The following ADAT2 variants were observed in gnomAD, a reference collection of about 807,000 sequenced individuals.
ADAT2 encodes adenosine deaminase tRNA specific 2.
ADAT2 carries 26 observed loss-of-function variants against 25.9 expected under a neutral mutation model. That is an observed-to-expected ratio of 1.00 (90% CI 0.74 to 1.39). The LOEUF is 1.39. Among genes scored for constraint, ADAT2 ranks in the 40% most tolerant of loss-of-function variants. ADAT2 has a pLI of 0.00. For missense variants in ADAT2, 220 were observed against 244.8 expected, an observed-to-expected ratio of 0.90 and a Z score of 0.68; for synonymous variants, 76 against 86.8, an observed-to-expected ratio of 0.88 and a Z score of 0.69.
chr6:143,434,083 G>A lies in ADAT2; in HGVS notation c.202-102C>T. On this transcript the variant is annotated intron_variant, in intron 2 of 5. Transcript: ENST00000237283. This position sits in a 1 kb window ranked among gnomAD's most constrained non-coding sequence, Gnocchi z 4.5. Reference sequence around the variant, plus strand: ...TACAAAATATGCGCCTATCCTTTCTGCCAATATTTTAATGAATACAGTTTC... The same window carrying A: ...TACAAAATATGCGCCTATCCTTTCTACCAATATTTTAATGAATACAGTTTC... The A allele has an allele frequency of 7.0e-7, 1 of 1,420,408 alleles. No homozygotes were observed. Among genetic ancestry groups the A allele is most frequent in the Non-Finnish European group, 9.6e-7 (1 of 1,040,364 alleles). 88.0% of individuals were successfully genotyped at this position (1,420,408 alleles called of 1,614,324 possible). A position where few individuals can be genotyped will look rare whatever the true frequency, so the allele number is the denominator to read the frequency against.
Position 143,438,570 on chromosome 6 carries a change from A to C in ADAT2, c.201+20T>G, listed in dbSNP as rs368077789. On this transcript the variant is annotated intron_variant, in intron 2 of 5. Transcript: ENST00000237283. ...CCATCACTACTGTATGTTTGCAATT[A>C]TACTGCTCAACTCACATACATTTTT... 2 of 1,575,226 alleles carry C rather than the reference A, an allele frequency of 1.3e-6. No homozygotes were observed. Among genetic ancestry groups the C allele is most frequent in the Non-Finnish European group, 1.7e-6 (2 of 1,145,240 alleles).
intron 4 of ADAT2, among the ~76,000 whole-genome samples, chr6:143,430,386 C>A (rs1779071107): frequency 6.6e-6 from 1 of 152,182 alleles, no homozygotes; most frequent in Non-Finnish European, 1.5e-5. Context: ...AGGGACTGAG[C>A]AGAGTCAGGC....
chr6:143,439,252 A>C (rs1401694659), intron 1 of ADAT2, among the ~76,000 whole-genome samples: 1 of 150,634 alleles, frequency 6.6e-6, no homozygotes, highest in African/African-American at 2.4e-5. Context: ...TCATTATGAA[A>C]AACGTTTTGG....
Position 143,424,540 on chromosome 6 carries a change from C to T in ADAT2, c.*3923G>A, listed in dbSNP as rs1262011513. On this transcript the variant is annotated 3_prime_UTR_variant, in exon 6 of 6. Transcript: ENST00000237283. The surrounding 1 kb of genome is among the most constrained non-coding windows in gnomAD (Gnocchi z 4.8). ...ATGACAACCTACCTAGAGTGTTTATCCCATTGGATCACCATAGGTCATCTG... is the reference window on the plus strand; with the variant it reads ...ATGACAACCTACCTAGAGTGTTTATTCCATTGGATCACCATAGGTCATCTG... 6.6e-6 allele frequency: 1 copy of T among 152,142 alleles called. No homozygotes were observed. Among genetic ancestry groups the T allele is most frequent in the Non-Finnish European group, 1.5e-5 (1 of 68,026 alleles). 9.4% of individuals were successfully genotyped at this position (152,142 alleles called of 1,614,324 possible).
rs768749703 is a variant in ADAT2 at position 143,433,975 on chromosome 6, G to A, written c.208C>T (p.Arg70Ter). The change falls in exon 3 of 6, where the codon CGA (arginine) becomes TGA (stop). Residue 70 changes from arginine (R) to a stop codon, truncating the protein, a stop_gained. Coordinates refer to ENST00000237283, the MANE Select transcript of ADAT2 (RefSeq NM_182503.3). LOFTEE classifies it high-confidence loss of function. ...NEVNQTKNAT[R>*]HAEMVAIDQV... is the part of the protein sequence containing the mutation. Reference sequence around the variant, plus strand: ...TCGATGGCCACCATTTCTGCATGTCGAGTAGCCTGAAAAGAGAAAGGGGCT... The same window carrying A: ...TCGATGGCCACCATTTCTGCATGTCAAGTAGCCTGAAAAGAGAAAGGGGCT... 16 of 1,613,856 alleles carry A rather than the reference G, an allele frequency of 9.9e-6. No homozygotes were observed. Among genetic ancestry groups the A allele is most frequent in the East Asian group, 2.2e-5 (1 of 44,896 alleles).
chr6:143,450,616 A>T lies in ADAT2; in HGVS notation c.43T>A (p.Cys15Ser). 2.5e-6 allele frequency: 4 copies of T among 1,613,998 alleles called. No homozygotes were observed. Among genetic ancestry groups the T allele is most frequent in the Non-Finnish European group, 3.4e-6 (4 of 1,180,022 alleles). ...AAPKPAASGA[C>S]SVSAEETEKW... ...TCGGTCTCCTCTGCCGACACCGAGC[A>T]CGCGCCGCTTGCAGCTGGCTTGGGT... is the stretch of plus-strand genomic sequence containing the variant. The change falls in exon 1 of 6, where the codon TGC becomes AGC. Residue 15 changes from cysteine to serine, a missense_variant. Coordinates refer to ENST00000237283, the MANE Select transcript of ADAT2 (RefSeq NM_182503.3).
In ADAT2 at chr6:143,432,604, C is replaced by A. The variant is rs774508502; in HGVS notation, c.360G>T (p.Pro120=). The change falls in exon 4 of 6, where the codon CCG becomes CCT. Residue 120 remains proline (P), a synonymous_variant. Coordinates refer to ENST00000237283, the MANE Select transcript of ADAT2 (RefSeq NM_182503.3). The surrounding 1 kb of genome is among the most constrained non-coding windows in gnomAD (Gnocchi z 4.4). ...CATTCTGACAGCCATATACAACCAG[C>A]GGGATTTATAAGACAGAATTAAGGT... ...CAAALRLMKI[P]LVVYGCQNER... The A allele has an allele frequency of 7.4e-6, 12 of 1,613,912 alleles. 1 individual carries two copies. The highest frequency in any genetic ancestry group is 1.0e-5 in the Non-Finnish European group (12 of 1,179,952).
rs766338927 is a variant in ADAT2 at position 143,450,626 on chromosome 6, T to A, written c.33A>T (p.Ala11=). The part of the protein sequence containing the change: MEAKAAPKPA[A]SGACSVSAEE... Reference sequence around the variant, plus strand: ...CTGCCGACACCGAGCACGCGCCGCTTGCAGCTGGCTTGGGTGCCGCCTTCG... The same window carrying A: ...CTGCCGACACCGAGCACGCGCCGCTAGCAGCTGGCTTGGGTGCCGCCTTCG... Residue 11 remains alanine (A), a synonymous_variant, in exon 1 of 6, where the codon GCA becomes GCT. Coordinates refer to ENST00000237283, the MANE Select transcript of ADAT2 (RefSeq NM_182503.3). The A allele has an allele frequency of 6.2e-7, 1 of 1,613,980 alleles. No homozygotes were observed. Among genetic ancestry groups the A allele is most frequent in the Non-Finnish European group, 8.5e-7 (1 of 1,180,028 alleles).
Position 143,442,402 on chromosome 6 carries a change from G to A in ADAT2, c.97-3708C>T, listed in dbSNP as rs1437544150. On this transcript the variant is annotated intron_variant, in intron 1 of 5. Transcript: ENST00000237283. The surrounding 1 kb of genome is among the most constrained non-coding windows in gnomAD (Gnocchi z 4.6). ...GCAGCTATAAAGAGGTAGCACAAGG[G>A]AGCCATGTGGTAGTGAAACAGTTCC... Among the ~76,000 whole-genome samples the A allele has an allele frequency of 6.6e-6, 1 of 151,818 alleles. No homozygotes were observed. Among genetic ancestry groups the A allele is most frequent in the East Asian group, 1.9e-4 (1 of 5,188 alleles).
At chr6:143,438,041 C>A (rs1583981886) in intron 2 of ADAT2, among the ~76,000 whole-genome samples, 2 of 152,004 alleles carry the variant, frequency 1.3e-5, no homozygotes, top group East Asian at 3.9e-4. Context: ...GTGTTGAAGA[C>A]CCTATTTTGT....
At position 143,428,802 on chromosome 6, in the gene ADAT2, T is replaced by C. The variant is rs1251583571; in HGVS notation, c.460-118A>G. 1.0e-6 allele frequency: 1 copy of C among 973,178 alleles called. No individual in the cohort carries two copies. Among genetic ancestry groups the C allele is most frequent in the Admixed American group, 2.7e-5 (1 of 37,458 alleles). The allele number at this position is 973,178 out of a possible 1,614,324, so 60.3% of individuals were successfully genotyped here. ...ACAGATTTCAGATGTTAATAAACTT[T>C]GGGGATATTAGTAACATGGGTAAGG... On this transcript the variant is annotated intron_variant, in intron 4 of 5. Transcript: ENST00000237283. This position sits in a 1 kb window ranked among gnomAD's most constrained non-coding sequence, Gnocchi z 5.0.
rs565921323 is a variant in ADAT2 at position 143,432,961 on chromosome 6, C to T, written c.353-350G>A. Among the ~76,000 whole-genome samples, 1 of 152,140 alleles carries T rather than the reference C, an allele frequency of 6.6e-6. No individual in the cohort carries two copies. Among genetic ancestry groups the T allele is most frequent in the Non-Finnish European group, 1.5e-5 (1 of 68,032 alleles). ...CAGAAATTTAATCCAGGGATTTTCA[C>T]CTTTTAGAAATAAAAGATTCTTCCC... On this transcript the variant is annotated intron_variant, in intron 3 of 5. Coordinates refer to ENST00000237283, the MANE Select transcript of ADAT2 (RefSeq NM_182503.3). This position sits in a 1 kb window ranked among gnomAD's most constrained non-coding sequence, Gnocchi z 4.4.
intron 1 of ADAT2, among the ~76,000 whole-genome samples, chr6:143,445,249 CTT>C (rs1779566590): frequency 6.6e-6 from 1 of 151,956 alleles, no homozygotes; most frequent in Admixed American, 6.5e-5. Flanking sequence ...ACCAACCTAA[CTT>C]TTCATTATTC....
chr6:143,447,374 TC>T lies in ADAT2; in HGVS notation c.96+3188del, dbSNP rs1779627588. Among the ~76,000 whole-genome samples the T allele has an allele frequency of 3.3e-5, 5 of 152,278 alleles. No individual in the cohort carries two copies. The South Asian group carries it at 1.0e-3, about 32-fold the overall frequency. ...CCTTTGTCCCATTTTAGGTAGTCAC[TC>T]CATAGCAACAGAAATACCATGAGGT... On this transcript the variant is annotated intron_variant, in intron 1 of 5. Coordinates refer to ENST00000237283, the MANE Select transcript of ADAT2 (RefSeq NM_182503.3).
chr6:143,429,076 C>G (rs1353435053), intron 4 of ADAT2, among the ~76,000 whole-genome samples: 1 of 152,336 alleles, frequency 6.6e-6, no homozygotes, highest in East Asian at 1.9e-4. Context: ...CCAGGCACAT[C>G]ATAAGTGCTC....
Position 143,434,124 on chromosome 6 carries a change from G to A in ADAT2, c.202-143C>T, listed in dbSNP as rs1779197376. The stretch of plus-strand genomic sequence containing the variant: ...ATACAGTTTCAAGACACCCTTAGCA[G>A]TGGACAACGTATTCCCCAATTCAAG... On this transcript the variant is annotated intron_variant, in intron 2 of 5. Transcript: ENST00000237283. This position sits in a 1 kb window ranked among gnomAD's most constrained non-coding sequence, Gnocchi z 4.5. 2.0e-6 allele frequency: 2 copies of A among 980,854 alleles called. No homozygotes were observed. Among genetic ancestry groups the A allele is most frequent in the South Asian group, 1.6e-5 (1 of 61,382 alleles). 60.8% of individuals were successfully genotyped at this position (980,854 alleles called of 1,614,324 possible).
Position 143,428,759 on chromosome 6 carries a change from A to G in ADAT2, c.460-75T>C. On this transcript the variant is annotated intron_variant, in intron 4 of 5. Coordinates refer to ENST00000237283, the MANE Select transcript of ADAT2 (RefSeq NM_182503.3). This position sits in a 1 kb window ranked among gnomAD's most constrained non-coding sequence, Gnocchi z 5.0. ...GCTGTATCCCATAAAAACAACATATATATACATGATTATGTAAACAGATTT... is the reference window on the plus strand; with the variant it reads ...GCTGTATCCCATAAAAACAACATATGTATACATGATTATGTAAACAGATTT... 1 of 1,318,360 alleles carries G rather than the reference A, an allele frequency of 7.6e-7. No homozygotes were observed. Among genetic ancestry groups the G allele is most frequent in the Non-Finnish European group, 1.1e-6 (1 of 937,894 alleles). 81.7% of individuals were successfully genotyped at this position (1,318,360 alleles called of 1,614,324 possible).
Position 143,434,060 on chromosome 6 carries a change from C to T in ADAT2, c.202-79G>A, listed in dbSNP as rs1340886735. On this transcript the variant is annotated intron_variant, in intron 2 of 5. Coordinates refer to ENST00000237283, the MANE Select transcript of ADAT2 (RefSeq NM_182503.3). The surrounding 1 kb of genome is among the most constrained non-coding windows in gnomAD (Gnocchi z 4.5). The stretch of plus-strand genomic sequence containing the variant: ...TTTACAAATATACAAAAACTAAGTA[C>T]AAAATATGCGCCTATCCTTTCTGCC... 8.4e-6 allele frequency: 13 copies of T among 1,545,842 alleles called. No homozygotes were observed. The highest frequency in any genetic ancestry group is 4.6e-5 in the South Asian group (4 of 86,454).
chr6:143,424,757 T>C lies in ADAT2; in HGVS notation c.*3706A>G, dbSNP rs573252303. 2.7e-4 allele frequency: 41 copies of C among 152,318 alleles called. No individual in the cohort carries two copies. Among genetic ancestry groups the C allele is most frequent in the African/African-American group, 9.4e-4 (39 of 41,570 alleles). The allele number at this position is 152,318 out of a possible 1,614,324, so 9.4% of individuals were successfully genotyped here. A position where few individuals can be genotyped will look rare whatever the true frequency, so the allele number is the denominator to read the frequency against. ...ATTAGAAAAATTTTTTTTATCAATT[T>C]TGGCAGACAGTAAAAGAGGAAGAAT... On this transcript the variant is annotated 3_prime_UTR_variant, in exon 6 of 6. Transcript: ENST00000237283. This position sits in a 1 kb window ranked among gnomAD's most constrained non-coding sequence, Gnocchi z 4.8.
Sources: gnomAD v4.1 joint callset for allele counts (sites outside exome capture counted in the v4.1 genomes callset) on GRCh38, gnomAD v4.1.1 for gene constraint, Gnocchi (gnomAD v3.1) non-coding constraint, MANE v1.5 for transcripts, NCBI Gene and HGNC (gene_info 2026-07-23, HGNC 2026-07-21) for gene names.